FGF12: variants seen among roughly 807,000 people sequenced by gnomAD.
The protein encoded by FGF12 is fibroblast growth factor 12B.
FGF12 carries 14 observed loss-of-function variants against 23.6 expected under a neutral mutation model. That is an observed-to-expected ratio of 0.59 (90% CI 0.39 to 0.93). The LOEUF (loss-of-function observed/expected upper bound fraction) is 0.93. FGF12 is among the 40% of genes least tolerant of loss of function. FGF12 has a pLI of 0.00. For synonymous variants in FGF12, 62 were observed against 77.3 expected, an observed-to-expected ratio of 0.80 and a Z score of 1.04; for missense variants, 175 against 217.8, an observed-to-expected ratio of 0.80 and a Z score of 1.24.
At chr3:192,622,252 C>T (rs201183677) in intron 2 of FGF12, among the ~76,000 whole-genome samples, 3 of 152,142 alleles carry the variant, frequency 2.0e-5, no homozygotes, top group East Asian at 1.9e-4. Context: ...AAGAGACATG[C>T]GGGAACAGAG....
chr3:192,353,432 C>T (rs551322719), intron 3 of FGF12, among the ~76,000 whole-genome samples: 3 of 139,946 alleles, frequency 2.1e-5, no homozygotes, highest in Middle Eastern at 4.4e-3. Flanking sequence ...TGCAGTGGCA[C>T]GATCCCAGCT....
chr3:192,334,655 C>T (rs1413210664), intron 4 of FGF12, among the ~76,000 whole-genome samples: 1 of 151,778 alleles, frequency 6.6e-6, no homozygotes, highest in African/African-American at 2.4e-5. Context: ...AATGTAGCCA[C>T]TGATGGCTAC....
At chr3:192,348,806 C>T (rs964589394) in intron 3 of FGF12, among the ~76,000 whole-genome samples, 2 of 152,098 alleles carry the variant, frequency 1.3e-5, no homozygotes, top group African/African-American at 4.8e-5. Context: ...TTTAACCTTC[C>T]TGTGCCTCAA....
chr3:192,639,335 C>G (rs900055368), intron 2 of FGF12, among the ~76,000 whole-genome samples: 1 of 152,146 alleles, frequency 6.6e-6, no homozygotes, highest in Non-Finnish European at 1.5e-5. Context: ...AAAAGAGAAG[C>G]CTTTTACACT....
At chr3:192,711,939 TC>T (rs1431423650) in intron 2 of FGF12, among the ~76,000 whole-genome samples, 11 of 36,712 alleles carry the variant, frequency 3.0e-4, no homozygotes, top group African/African-American at 1.0e-3. Context: ...CCAAGAACGA[TC>T]AAAAAAAAAA....
chr3:192,503,157 A>T (rs930698853), intron 2 of FGF12, among the ~76,000 whole-genome samples: 5 of 152,228 alleles, frequency 3.3e-5, no homozygotes, highest in Non-Finnish European at 7.3e-5. Context: ...TGACAGAAAA[A>T]CAGCAAGAAA....
intron 2 of FGF12, among the ~76,000 whole-genome samples, chr3:192,525,297 A>T (rs1724915076): frequency 6.6e-6 from 1 of 152,190 alleles, no homozygotes; most frequent in Non-Finnish European, 1.5e-5. Context: ...CAAAAAAATA[A>T]TAATAATAAC....
At chr3:192,427,012 G>GC (rs1354317814) in intron 2 of FGF12, among the ~76,000 whole-genome samples, 1 of 152,104 alleles carries the variant, frequency 6.6e-6, no homozygotes, top group African/African-American at 2.4e-5. Flanking sequence ...ATGGTTTATG[G>GC]CACGCAGTAT....
chr3:192,411,981 A>C (rs1453556782), intron 2 of FGF12, among the ~76,000 whole-genome samples: 2 of 152,120 alleles, frequency 1.3e-5, no homozygotes, highest in African/African-American at 2.4e-5. Context: ...AAGAAAATGC[A>C]TGAGATTCAC....
chr3:192,182,895 T>C (rs1716256637), intron 4 of FGF12, among the ~76,000 whole-genome samples: 1 of 152,240 alleles, frequency 6.6e-6, no homozygotes, highest in Non-Finnish European at 1.5e-5. Flanking sequence ...CTTATGTTCC[T>C]GTAGGCATGA....
intron 2 of FGF12, among the ~76,000 whole-genome samples, chr3:192,365,687 C>T (rs1430190988): frequency 1.3e-5 from 2 of 152,098 alleles, no homozygotes; most frequent in African/African-American, 2.4e-5. Flanking sequence ...GATGGGACCT[C>T]GGGTTCAATA....
rs530687061 is a variant in FGF12 at position 192,624,473 on chromosome 3, G to C, written c.13+102708C>G. On this transcript the variant is annotated intron_variant, in intron 2 of 5. Transcript: ENST00000445105. ...GAGGAGCAGAGAGAAGAGGAGGAAG[G>C]AGAAGGGGGAAAGTGATTCACTTAT... Among the ~76,000 whole-genome samples the C allele has an allele frequency of 2.6e-5, 4 of 152,226 alleles. No individual in the cohort carries two copies. The East Asian group carries it at 7.7e-4, about 29-fold the overall frequency.
chr3:192,712,919 G>A (rs1271710192), intron 2 of FGF12, among the ~76,000 whole-genome samples: 2 of 152,126 alleles, frequency 1.3e-5, no homozygotes, highest in Non-Finnish European at 2.9e-5. Flanking sequence ...CAGTCATCAG[G>A]TTCTGAGGGA....
intron 2 of FGF12, among the ~76,000 whole-genome samples, chr3:192,413,928 G>A (rs1721270655): frequency 6.6e-6 from 1 of 152,152 alleles, no homozygotes; most frequent in African/African-American, 2.4e-5. Flanking sequence ...ACAGTAGGCT[G>A]ACAAAAGCAA....
At chr3:192,255,796 C>T (rs1712347243) in intron 4 of FGF12, among the ~76,000 whole-genome samples, 1 of 152,082 alleles carries the variant, frequency 6.6e-6, no homozygotes, top group Non-Finnish European at 1.5e-5. Context: ...CATGCACATA[C>T]ATTTTCCTAG....
intron 2 of FGF12, among the ~76,000 whole-genome samples, chr3:192,564,157 G>T (rs1172633806): frequency 6.6e-6 from 1 of 152,098 alleles, no homozygotes; most frequent in Non-Finnish European, 1.5e-5. Flanking sequence ...TCCGCCTCTT[G>T]GGTTCAAGTG....
chr3:192,234,742 C>T (rs1217088104), intron 4 of FGF12, among the ~76,000 whole-genome samples: 1 of 151,946 alleles, frequency 6.6e-6, no homozygotes, highest in African/African-American at 2.4e-5. Context: ...GTTTTTAAAA[C>T]AAAGGGATGT....
At position 192,340,055 on chromosome 3, in the gene FGF12, A is replaced by C. The variant is rs6769219; in HGVS notation, c.125-4591T>G. On this transcript the variant is annotated intron_variant, in intron 3 of 5. Coordinates refer to ENST00000445105, the MANE Select transcript of FGF12 (RefSeq NM_004113.6). Reference sequence around the variant, plus strand: ...TACATTTGTGCTACATGGCACTTTCACTCCAATACTGAGTGCTTCTAGTAA... The same window carrying C: ...TACATTTGTGCTACATGGCACTTTCCCTCCAATACTGAGTGCTTCTAGTAA... Among the ~76,000 whole-genome samples, 467 of 152,094 alleles carry C rather than the reference A, an allele frequency of 3.1e-3. 6 individuals carry two copies. Among genetic ancestry groups the C allele is most frequent in the African/African-American group, 0.011 (442 of 41,508 alleles).
At chr3:192,252,462 C>CAAAAAAAAAAAAAAAAAAAAAAAAA (rs56920518) in intron 4 of FGF12, among the ~76,000 whole-genome samples, 2 of 27,494 alleles carry the variant, frequency 7.3e-5, no homozygotes, top group Non-Finnish European at 6.9e-5. Context: ...GAATCTGTCT[C>CAAAAAAAAAAAAAAAAAAAAAAAAA]AAAAAAAAAA....
Sources: gnomAD v4.1 joint callset for allele counts (sites outside exome capture counted in the v4.1 genomes callset) on GRCh38, gnomAD v4.1.1 for gene constraint, MANE v1.5 for transcripts, NCBI Gene and HGNC (gene_info 2026-07-23, HGNC 2026-07-21) for gene names.